GOPC: variants seen among roughly 807,000 people sequenced by gnomAD.
GOPC encodes the protein Golgi-associated PDZ and coiled-coil motif-containing protein.
A neutral mutation model predicts 51.2 loss-of-function variants in GOPC; 32 were observed. The ratio of observed to expected loss-of-function variants is 0.63; its 90% confidence interval spans 0.47 to 0.84. The LOEUF (loss-of-function observed/expected upper bound fraction) is 0.84, where lower values mean the gene tolerates loss of function less well. Among genes scored for constraint, GOPC ranks in the 40% least tolerant of loss-of-function variants. The pLI is 0.00. For missense variants in GOPC, 441 were observed against 555.5 expected, an observed-to-expected ratio of 0.79 and a Z score of 2.07; for synonymous variants, 190 against 205.1, an observed-to-expected ratio of 0.93 and a Z score of 0.63.
At chr6:117,568,796 G>A (rs1779749282) in intron 7 of GOPC, among the ~76,000 whole-genome samples, 1 of 152,174 alleles carries the variant, frequency 6.6e-6, no homozygotes. Flanking sequence ...TCCCTGTAAT[G>A]TAATTATTGA....
chr6:117,579,119 CTAA>C lies in GOPC; in HGVS notation c.286-58_286-56del, dbSNP rs1779924246. 3.6e-6 allele frequency: 5 copies of C among 1,377,274 alleles called. No homozygotes were observed. The African/African-American group carries it at 4.4e-5, about 12-fold the overall frequency. 85.3% of individuals were successfully genotyped at this position (1,377,274 alleles called of 1,614,324 possible). A position where few individuals can be genotyped will look rare whatever the true frequency, so the allele number is the denominator to read the frequency against. ...GGATGCTTAATTTTCTTTCTTTTGACTAATAATTGTTATTCAAGAATGACAACA... is the reference window on the plus strand; with the variant it reads ...GGATGCTTAATTTTCTTTCTTTTGACTAATTGTTATTCAAGAATGACAACA... On this transcript the variant is annotated intron_variant, in intron 1 of 8. Transcript: ENST00000368498.
chr6:117,562,266 T>C lies in GOPC; in HGVS notation c.*988A>G. 1 of 206,098 alleles carries C rather than the reference T, an allele frequency of 4.9e-6. No individual in the cohort carries two copies. Among genetic ancestry groups the C allele is most frequent in the Admixed American group, 5.9e-5 (1 of 16,872 alleles). 12.8% of individuals were successfully genotyped at this position (206,098 alleles called of 1,614,324 possible). A position where few individuals can be genotyped will look rare whatever the true frequency, so the allele number is the denominator to read the frequency against. On this transcript the variant is annotated 3_prime_UTR_variant, in exon 9 of 9. Transcript: ENST00000368498. ...ATGTCTTTATCTCATCTTGCCCACC[T>C]TTTAGATGACTGGAAATCATTTACT...
chr6:117,577,415 CAT>C, intron 3 of GOPC, 31 bp downstream of exon 3: 1 of 1,585,362 alleles, frequency 6.3e-7, no homozygotes, highest in Non-Finnish European at 8.6e-7. Flanking sequence ...TTCAGCGTGA[CAT>C]ATTAAAGCAA....
chr6:117,601,872 T>C (rs1772019286), intron 1 of GOPC, 132 bp downstream of exon 1: 3 of 996,106 alleles, frequency 3.0e-6, no homozygotes, highest in East Asian at 2.6e-5. Context: ...TCCTCAGACA[T>C]GCACTCTCCC....
At chr6:117,601,951 G>A in intron 1 of GOPC, 53 bp downstream of exon 1, 1 of 1,583,694 alleles carries the variant, frequency 6.3e-7, no homozygotes, top group South Asian at 1.1e-5. Flanking sequence ...GGCATCTGAC[G>A]CCACCGGGCA....
chr6:117,600,806 A>G (rs1771990288), intron 1 of GOPC, among the ~76,000 whole-genome samples: 1 of 152,256 alleles, frequency 6.6e-6, no homozygotes, highest in Non-Finnish European at 1.5e-5. Flanking sequence ...AGAAGTGATT[A>G]CCTTCATATT....
intron 7 of GOPC, 78 bp downstream of exon 7, chr6:117,569,494 T>A (rs1319937954): frequency 1.3e-6 from 2 of 1,531,792 alleles, no homozygotes; most frequent in Non-Finnish European, 8.7e-7. Context: ...TTTAGAAACT[T>A]CGTAGGGAAG....
At chr6:117,595,365 T>C (rs1278790776) in intron 1 of GOPC, among the ~76,000 whole-genome samples, 1 of 152,204 alleles carries the variant, frequency 6.6e-6, no homozygotes, top group Non-Finnish European at 1.5e-5. Flanking sequence ...GGAAAGGAAC[T>C]CAGTTGTGTT....
chr6:117,596,031 C>T (rs1780192401), intron 1 of GOPC, among the ~76,000 whole-genome samples: 1 of 152,078 alleles, frequency 6.6e-6, no homozygotes, highest in Non-Finnish European at 1.5e-5. Flanking sequence ...TAAAAGTGTT[C>T]CCTTTTCACC....
chr6:117,567,146 G>A (rs1274270832), intron 7 of GOPC, 112 bp from the exon 8 acceptor site: 2 of 634,862 alleles, frequency 3.2e-6, no homozygotes, highest in Non-Finnish European at 5.0e-6. Flanking sequence ...AGAGATAGCT[G>A]ATTTCCAGAA....
chr6:117,580,347 AAC>A (rs1243935254), intron 1 of GOPC, among the ~76,000 whole-genome samples: 2 of 152,118 alleles, frequency 1.3e-5, no homozygotes, highest in African/African-American at 4.8e-5. Context: ...CTCAGTTTAA[AAC>A]AGTGATAATA....
intron 5 of GOPC, among the ~76,000 whole-genome samples, chr6:117,571,814 T>C (rs1328442018): frequency 6.6e-6 from 1 of 152,130 alleles, no homozygotes; most frequent in Admixed American, 6.6e-5. Flanking sequence ...TTGATACTGT[T>C]CATCAACCCC....
chr6:117,566,641 T>TA (rs1779702955), intron 8 of GOPC, among the ~76,000 whole-genome samples: 1 of 152,188 alleles, frequency 6.6e-6, no homozygotes, highest in Admixed American at 6.5e-5. Flanking sequence ...ACTGGTAATG[T>TA]ACTTGTCTTA....
intron 3 of GOPC, among the ~76,000 whole-genome samples, chr6:117,576,199 C>A (rs977978100): frequency 6.6e-6 from 1 of 151,626 alleles, no homozygotes; most frequent in Non-Finnish European, 1.5e-5. Context: ...AAATTAATGA[C>A]AACTACTAAA....
At chr6:117,585,477 T>C (rs1426350126) in intron 1 of GOPC, among the ~76,000 whole-genome samples, 1 of 152,196 alleles carries the variant, frequency 6.6e-6, no homozygotes, top group Admixed American at 6.5e-5. Flanking sequence ...AGAGCTCTTT[T>C]GATAAAGTTT....
rs577682022 is a variant in GOPC at position 117,602,483 on chromosome 6, G to A, written c.-195C>T. The stretch of plus-strand genomic sequence containing the variant: ...AGGCTGAAGCTGAGGCGGCAACGGC[G>A]GCGACACACGGAAGACTCAGTCAGT... On this transcript the variant is annotated 5_prime_UTR_variant, in exon 1 of 9. Transcript: ENST00000368498. 544 of 600,950 alleles carry A rather than the reference G, an allele frequency of 9.1e-4. 1 individual carries two copies. Among genetic ancestry groups the A allele is most frequent in the Non-Finnish European group, 1.4e-3 (484 of 341,314 alleles). The allele number at this position is 600,950 out of a possible 1,614,324, so 37.2% of individuals were successfully genotyped here.
At chr6:117,593,288 C>G (rs1554195794) in intron 1 of GOPC, among the ~76,000 whole-genome samples, 2 of 151,990 alleles carry the variant, frequency 1.3e-5, no homozygotes, top group Non-Finnish European at 2.9e-5. Flanking sequence ...TCCACAACCT[C>G]CTACTGTCTG....
At chr6:117,575,623 A>G (rs2301424) in intron 3 of GOPC, 25,448 of 594,898 alleles carry the variant, frequency 0.043, 655 homozygotes, top group Non-Finnish European at 0.052. Flanking sequence ...CATATTAGTA[A>G]AAGTGGCTTC....
In GOPC at chr6:117,563,298, T is replaced by C. The variant is rs1185087350; in HGVS notation, c.1345A>G (p.Lys449Glu). Reference protein sequence around the residue: ...SETPLDDGASKLDDLHTLYHK... With the variant: ...SETPLDDGASELDDLHTLYHK... The stretch of plus-strand genomic sequence containing the variant: ...TACAGAGTGTGCAGATCATCTAATT[T>C]TGAAGCACCGTCATCTAGCGGAGTT... The change falls in exon 9 of 9, where the codon AAA (lysine) becomes GAA (glutamate). Residue 449 changes from lysine to glutamate, a missense_variant. Coordinates refer to ENST00000368498, the MANE Select transcript of GOPC (RefSeq NM_020399.4). The C allele has an allele frequency of 2.5e-6, 4 of 1,613,186 alleles. No homozygotes were observed. In the African/African-American group the frequency reaches 5.3e-5, roughly 22 times the overall value.
Sources: gnomAD v4.1 joint callset for allele counts (sites outside exome capture counted in the v4.1 genomes callset) on GRCh38, gnomAD v4.1.1 for gene constraint, MANE v1.5 for transcripts, NCBI Gene and HGNC (gene_info 2026-07-23, HGNC 2026-07-21) for gene names.